The following CADM1 variants were observed in gnomAD, a reference collection of about 807,000 sequenced individuals.
CADM1 encodes the protein TSLC-1.
In CADM1, 15 loss-of-function variants were observed where a neutral mutation model predicts 53.1. The ratio of observed to expected loss-of-function variants is 0.28; its 90% CI spans 0.19 to 0.44. The LOEUF (loss-of-function observed/expected upper bound fraction) is 0.44, where lower values mean the gene tolerates loss of function less well. CADM1 is among the 20% of genes least tolerant of loss of function. The probability of loss-of-function intolerance (pLI) is 1.00; values close to 1 mark genes in which losing one functional copy is unlikely to be tolerated. For synonymous variants in CADM1, 281 were observed against 243.0 expected (o/e 1.16, Z -1.45); for missense variants, 434 against 611.3 (o/e 0.71, Z 3.06).
chr11:115,288,861 T>A (rs1943800585), intron 1 of CADM1, among the ~76,000 whole-genome samples: 1 of 152,188 alleles, frequency 6.6e-6, no homozygotes, highest in South Asian at 2.1e-4. Flanking sequence ...CCTTCCTCTT[T>A]AACCTTCCCA....
intron 3 of CADM1, among the ~76,000 whole-genome samples, chr11:115,234,886 C>A (rs568045872): frequency 1.7e-4 from 19 of 115,096 alleles, no homozygotes; most frequent in Non-Finnish European, 2.7e-4. Context: ...CAGGGAGACT[C>A]CGTCTCCAAA....
chr11:115,312,451 TC>T (rs1447000121), intron 1 of CADM1, among the ~76,000 whole-genome samples: 2 of 152,130 alleles, frequency 1.3e-5, no homozygotes, highest in African/African-American at 4.8e-5. Context: ...AATGTACTAA[TC>T]CATTAGTAGT....
chr11:115,356,110 C>T (rs184249132), intron 1 of CADM1, among the ~76,000 whole-genome samples: 28 of 152,134 alleles, frequency 1.8e-4, no homozygotes, highest in Admixed American at 3.9e-4. Context: ...GGATTACAGG[C>T]GTAAGCTACC....
intron 1 of CADM1, among the ~76,000 whole-genome samples, chr11:115,263,988 T>A (rs143070570): frequency 5.3e-5 from 8 of 152,340 alleles, no homozygotes; most frequent in African/African-American, 1.9e-4. Flanking sequence ...AGAAGGCAGC[T>A]GGGTGGTGAG....
At chr11:115,456,725 C>T (rs1231274706) in intron 1 of CADM1, among the ~76,000 whole-genome samples, 1 of 152,064 alleles carries the variant, frequency 6.6e-6, no homozygotes, top group Non-Finnish European at 1.5e-5. Context: ...AGACAGTAAT[C>T]CCTGTCTGCC....
chr11:115,379,622 G>A lies in CADM1; in HGVS notation c.124+124649C>T, dbSNP rs549169988. On this transcript the variant is annotated intron_variant, in intron 1 of 11. Coordinates refer to ENST00000331581, the MANE Select transcript of CADM1 (RefSeq NM_001301043.2). ...CCTTACATTGAACAGGGAAGGGGTG[G>A]TGATTGTGTTTCTTGATATAAGCAA... 2.0e-5 allele frequency among the ~76,000 whole-genome samples: 3 copies of A among 152,284 alleles called. No individual in the cohort carries two copies. The East Asian group carries it at 5.8e-4, about 29-fold the overall frequency.
At chr11:115,391,904 C>T (rs970601740) in intron 1 of CADM1, among the ~76,000 whole-genome samples, 2 of 152,138 alleles carry the variant, frequency 1.3e-5, no homozygotes, top group Admixed American at 1.3e-4. Context: ...CAAGGTGATT[C>T]ATTTTAGCTA....
At chr11:115,457,388 C>G (rs1406924138) in intron 1 of CADM1, among the ~76,000 whole-genome samples, 1 of 152,104 alleles carries the variant, frequency 6.6e-6, no homozygotes, top group Non-Finnish European at 1.5e-5. Flanking sequence ...AAATTTCAAA[C>G]TTGACTTTTA....
chr11:115,374,192 A>G (rs1946382638), intron 1 of CADM1, among the ~76,000 whole-genome samples: 1 of 152,200 alleles, frequency 6.6e-6, no homozygotes, highest in South Asian at 2.1e-4. Flanking sequence ...TCTTATCGCA[A>G]CCAGAAAAGG....
intron 1 of CADM1, among the ~76,000 whole-genome samples, chr11:115,244,621 C>G (rs977863684): frequency 6.6e-6 from 1 of 152,188 alleles, no homozygotes; most frequent in African/African-American, 2.4e-5. Flanking sequence ...AGTGGCCAAG[C>G]TGATGCTTGA....
At chr11:115,189,816 T>C (rs1250483571) in intron 10 of CADM1, among the ~76,000 whole-genome samples, 2 of 152,184 alleles carry the variant, frequency 1.3e-5, no homozygotes, top group Admixed American at 6.5e-5. Context: ...GCTTCCAGTC[T>C]GTAGAAAAAT....
intron 1 of CADM1, among the ~76,000 whole-genome samples, chr11:115,338,888 T>C (rs1565373758): frequency 1.5e-5 from 2 of 129,080 alleles, no homozygotes; most frequent in Non-Finnish European, 3.5e-5. Flanking sequence ...TTTTTTTTTT[T>C]TTAATTTTTT....
In CADM1 at chr11:115,174,901, C is replaced by T. The variant is rs949956711; in HGVS notation, c.*1573G>A. 8.8e-5 allele frequency: 87 copies of T among 985,722 alleles called. No homozygotes were observed. The African/African-American group carries it at 1.4e-3, about 16-fold the overall frequency. 61.1% of individuals were successfully genotyped at this position (985,722 alleles called of 1,614,324 possible). On this transcript the variant is annotated 3_prime_UTR_variant, in exon 12 of 12. Coordinates refer to ENST00000331581, the MANE Select transcript of CADM1 (RefSeq NM_001301043.2). ...CTAGACGTTTCAGTGAAAATCCCCACACTTCTTTCTTTAAAACATGTAAAT... is the reference window on the plus strand; with the variant it reads ...CTAGACGTTTCAGTGAAAATCCCCATACTTCTTTCTTTAAAACATGTAAAT...
chr11:115,209,493 G>A (rs998342567), intron 8 of CADM1, 81 bp downstream of exon 8: 6 of 1,591,816 alleles, frequency 3.8e-6, no homozygotes, highest in Non-Finnish European at 5.1e-6. Context: ...GATTTAAAGG[G>A]AACTTTTCGG....
chr11:115,297,062 T>C (rs1944097370), intron 1 of CADM1, among the ~76,000 whole-genome samples: 1 of 152,260 alleles, frequency 6.6e-6, no homozygotes, highest in Non-Finnish European at 1.5e-5. Context: ...GCTTCAAGTA[T>C]TCCTATAGTA....
intron 1 of CADM1, among the ~76,000 whole-genome samples, chr11:115,402,485 T>C (rs1947185511): frequency 6.6e-6 from 1 of 152,146 alleles, no homozygotes; most frequent in Non-Finnish European, 1.5e-5. Context: ...ATCATGCCAC[T>C]GCCCTCCAGC....
At chr11:115,411,716 G>A (rs1450350715) in intron 1 of CADM1, among the ~76,000 whole-genome samples, 1 of 151,698 alleles carries the variant, frequency 6.6e-6, no homozygotes, top group Non-Finnish European at 1.5e-5. Context: ...GCCCAGGTTG[G>A]AGTGCAATGG....
At chr11:115,258,131 G>A (rs1489686779) in intron 1 of CADM1, among the ~76,000 whole-genome samples, 3 of 152,170 alleles carry the variant, frequency 2.0e-5, no homozygotes, top group African/African-American at 4.8e-5. Flanking sequence ...GCCTCTGAGG[G>A]TGATCATTTC....
intron 1 of CADM1, among the ~76,000 whole-genome samples, chr11:115,441,283 G>A (rs1948305239): frequency 1.3e-5 from 2 of 151,998 alleles, no homozygotes; most frequent in African/African-American, 2.4e-5. Flanking sequence ...GAAATGATGG[G>A]ACACACCAAT....
Sources: allele counts gnomAD v4.1 joint callset (sites outside exome capture counted in the v4.1 genomes callset), GRCh38; gene constraint gnomAD v4.1.1; transcripts MANE v1.5; gene names NCBI Gene and HGNC (gene_info 2026-07-23, HGNC 2026-07-21).